AMPH: variants seen among roughly 807,000 people sequenced by gnomAD.
AMPH encodes the protein amphiphysin, also known as amphiphysin (Stiff-Mann syndrome with breast cancer 128kD autoantigen).
In AMPH, 49 loss-of-function variants were observed where a neutral mutation model predicts 99.1. The observed-to-expected ratio is 0.49, with a 90% CI of 0.39 to 0.63. AMPH has a LOEUF of 0.63. AMPH is among the 20% of genes least tolerant of loss of function. The pLI is 0.00. For synonymous variants in AMPH, 314 were observed against 317.3 expected, an observed-to-expected ratio of 0.99 and a Z score of 0.11; for missense variants, 759 against 863.4, an observed-to-expected ratio of 0.88 and a Z score of 1.52.
At chr7:38,569,327 T>C (rs1286628464) in intron 1 of AMPH, among the ~76,000 whole-genome samples, 1 of 151,942 alleles carries the variant, frequency 6.6e-6, no homozygotes, top group East Asian at 1.9e-4. Flanking sequence ...TCATAAAAAG[T>C]ATTTTTTAAA....
At chr7:38,525,447 T>TGTGTGTGTGC (rs1790148341) in intron 2 of AMPH, among the ~76,000 whole-genome samples, 1 of 111,448 alleles carries the variant, frequency 9.0e-6, no homozygotes, top group African/African-American at 4.5e-5. Flanking sequence ...CATTTGTGCG[T>TGTGTGTGTGC]GTGTGTGTGT....
intron 17 of AMPH, among the ~76,000 whole-genome samples, chr7:38,401,956 T>A (rs190379590): frequency 1.5e-4 from 23 of 152,272 alleles, no homozygotes; most frequent in Admixed American, 1.3e-3. Flanking sequence ...GTATCTTCAC[T>A]CCTTGGTCCC....
At chr7:38,416,770 A>T (rs1214521838) in intron 17 of AMPH, among the ~76,000 whole-genome samples, 1 of 152,216 alleles carries the variant, frequency 6.6e-6, no homozygotes, top group Non-Finnish European at 1.5e-5. Context: ...CCCTGGACAC[A>T]GCACTCCCTG....
chr7:38,434,307 A>G (rs17171341), intron 12 of AMPH, among the ~76,000 whole-genome samples: 4,221 of 152,268 alleles, frequency 0.028, 186 homozygotes, highest in African/African-American at 0.093. Context: ...CAGTTTCATG[A>G]TTTATGGATT....
intron 7 of AMPH, among the ~76,000 whole-genome samples, chr7:38,470,809 C>A (rs1486961744): frequency 6.6e-6 from 1 of 152,146 alleles, no homozygotes; most frequent in Non-Finnish European, 1.5e-5. Context: ...ACTCAATCTT[C>A]CCAAAATTTC....
chr7:38,616,686 G>A (rs1793883477), intron 1 of AMPH, among the ~76,000 whole-genome samples: 1 of 152,156 alleles, frequency 6.6e-6, no homozygotes, highest in Non-Finnish European at 1.5e-5. Flanking sequence ...TCCTACAGAT[G>A]GCAATACGGA....
chr7:38,442,023 T>C (rs1239406781), intron 11 of AMPH, among the ~76,000 whole-genome samples: 2 of 151,592 alleles, frequency 1.3e-5, no homozygotes, highest in Non-Finnish European at 2.9e-5. Flanking sequence ...AAATACCACA[T>C]GTTCTCACAA....
chr7:38,552,997 C>G (rs1040500728), intron 1 of AMPH, among the ~76,000 whole-genome samples: 1 of 152,216 alleles, frequency 6.6e-6, no homozygotes, highest in Non-Finnish European at 1.5e-5. Flanking sequence ...ACCCAGGTTC[C>G]CTTGATCTTA....
intron 1 of AMPH, among the ~76,000 whole-genome samples, chr7:38,581,726 G>A (rs1002278496): frequency 5.3e-5 from 8 of 152,172 alleles, no homozygotes; most frequent in African/African-American, 1.9e-4. Context: ...TAGTGGAGGT[G>A]TAAAAATGGT....
chr7:38,606,865 G>A (rs529368616), intron 1 of AMPH, among the ~76,000 whole-genome samples: 7 of 152,166 alleles, frequency 4.6e-5, no homozygotes, highest in African/African-American at 1.7e-4. Flanking sequence ...ATGAGCCACC[G>A]TGCCAGGCCA....
intron 4 of AMPH, 120 bp from the exon 5 acceptor site, chr7:38,491,265 A>G (rs1788710454): frequency 2.9e-6 from 2 of 682,010 alleles, no homozygotes; most frequent in African/African-American, 1.8e-5. Flanking sequence ...ATGAGATGCT[A>G]GGGGAAAAAT....
chr7:38,444,539 T>G (rs1786682689), intron 11 of AMPH, among the ~76,000 whole-genome samples: 1 of 151,884 alleles, frequency 6.6e-6, no homozygotes, highest in Non-Finnish European at 1.5e-5. Context: ...CATATTGGAG[T>G]ACTGGAGTGA....
intron 1 of AMPH, among the ~76,000 whole-genome samples, chr7:38,537,090 T>G (rs1176329924): frequency 6.6e-6 from 1 of 152,120 alleles, no homozygotes; most frequent in Admixed American, 6.5e-5. Flanking sequence ...ACTATAAAGT[T>G]TTTGTAAGAA....
At chr7:38,591,742 A>G (rs1792865201) in intron 1 of AMPH, among the ~76,000 whole-genome samples, 1 of 152,186 alleles carries the variant, frequency 6.6e-6, no homozygotes, top group Admixed American at 6.5e-5. Context: ...TGTCCTCAGC[A>G]TGCCATCTTT....
At chr7:38,597,355 G>A (rs1310670856) in intron 1 of AMPH, among the ~76,000 whole-genome samples, 2 of 151,968 alleles carry the variant, frequency 1.3e-5, no homozygotes, top group Non-Finnish European at 2.9e-5. Flanking sequence ...CCCCATAAGA[G>A]GAACAGGAAA....
chr7:38,504,565 G>A (rs377209128), intron 2 of AMPH, among the ~76,000 whole-genome samples: 2 of 152,150 alleles, frequency 1.3e-5, no homozygotes, highest in East Asian at 1.9e-4. Context: ...AGTTCCACTC[G>A]GGAACTCTGG....
intron 12 of AMPH, among the ~76,000 whole-genome samples, chr7:38,434,878 T>A (rs75956695): frequency 1.8e-4 from 28 of 152,354 alleles, no homozygotes; most frequent in African/African-American, 6.5e-4. Flanking sequence ...CTTTTCTTGG[T>A]CACCAAGGTG....
intron 1 of AMPH, among the ~76,000 whole-genome samples, chr7:38,630,255 T>C (rs1794408894): frequency 6.6e-6 from 1 of 152,162 alleles, no homozygotes. Flanking sequence ...GATTTTCAAG[T>C]ACAATGCTCA....
intron 2 of AMPH, among the ~76,000 whole-genome samples, chr7:38,505,655 T>G (rs1341262080): frequency 6.6e-6 from 1 of 152,018 alleles, no homozygotes; most frequent in African/African-American, 2.4e-5. Flanking sequence ...GAAAACTATT[T>G]CCAGAGAGAG....
Sources: allele counts gnomAD v4.1 joint callset (sites outside exome capture counted in the v4.1 genomes callset), GRCh38; gene constraint gnomAD v4.1.1; transcripts MANE v1.5; gene names NCBI Gene and HGNC (gene_info 2026-07-23, HGNC 2026-07-21).